The following MND1 variants were observed in gnomAD, a reference collection of about 807,000 sequenced individuals.
The protein encoded by MND1 is meiotic nuclear divisions 1.
In MND1, 28 loss-of-function variants were observed where a neutral mutation model predicts 35.1. The ratio of observed to expected loss-of-function variants is 0.80; its 90% CI spans 0.59 to 1.09. MND1 has a LOEUF of 1.09. Among genes scored for constraint, MND1 ranks in the 50% least tolerant of loss-of-function variants. The pLI is 0.00. For missense variants in MND1, 213 were observed against 239.6 expected (o/e 0.89, Z 0.73); for synonymous variants, 69 against 70.5 (o/e 0.98, Z 0.11).
chr4:153,399,524 G>A (rs1729285975), intron 6 of MND1, among the ~76,000 whole-genome samples: 1 of 152,216 alleles, frequency 6.6e-6, no homozygotes, highest in South Asian at 2.1e-4. Context: ...AATTCATGAA[G>A]TGGGGAAAAC....
Position 153,397,339 on chromosome 4 carries a change from T to C in MND1, c.466+6T>C. 6.3e-7 allele frequency: 1 copy of C among 1,596,744 alleles called. No homozygotes were observed. Among genetic ancestry groups the C allele is most frequent in the Admixed American group, 1.7e-5 (1 of 58,706 alleles). ...GCAAGTTGTGGAAGAAATACGTAAG[T>C]TTGTGTCATACCTTAGGGATCTTTA... On this transcript the variant is annotated splice_donor_region_variant and intron_variant, in intron 6 of 7. Transcript: ENST00000240488.
intron 4 of MND1, among the ~76,000 whole-genome samples, chr4:153,384,975 C>G (rs1728814069): frequency 6.6e-6 from 1 of 152,118 alleles, no homozygotes; most frequent in South Asian, 2.1e-4. Context: ...TACTGTCTTA[C>G]AGCATATAAT....
At chr4:153,361,572 G>A (rs1392166451) in intron 4 of MND1, 1 of 455,784 alleles carries the variant, frequency 2.2e-6, no homozygotes, top group Non-Finnish European at 4.4e-6. Flanking sequence ...GGGCGCAGTG[G>A]CTCACGCCTG....
intron 4 of MND1, among the ~76,000 whole-genome samples, chr4:153,363,861 C>T (rs761855041): frequency 7.9e-5 from 12 of 152,114 alleles, no homozygotes; most frequent in East Asian, 1.9e-4. Context: ...ATCAGCTATG[C>T]GGCTATTGTA....
At chr4:153,364,432 G>A (rs999016097) in intron 4 of MND1, among the ~76,000 whole-genome samples, 1 of 151,958 alleles carries the variant, frequency 6.6e-6, no homozygotes, top group African/African-American at 2.4e-5. Context: ...TGGGAGGATC[G>A]CGTGAGCCTA....
rs1284220121 is a variant in MND1, at chr4:153,414,741, T to G, written c.512-10T>G. On this transcript the variant is annotated splice_polypyrimidine_tract_variant and intron_variant, in intron 7 of 7. Coordinates refer to ENST00000240488, the MANE Select transcript of MND1 (RefSeq NM_032117.4). ...TTTTTCTCAAAATTATTTCTCAATTTTCTTTATAGATAACATATTCGCAAT... is the reference window on the plus strand; with the variant it reads ...TTTTTCTCAAAATTATTTCTCAATTGTCTTTATAGATAACATATTCGCAAT... 2 of 1,221,760 alleles carry G rather than the reference T, an allele frequency of 1.6e-6. No individual in the cohort carries two copies. The highest frequency in any genetic ancestry group is 1.2e-6 in the Non-Finnish European group (1 of 863,798). 75.7% of individuals were successfully genotyped at this position (1,221,760 alleles called of 1,614,324 possible).
intron 7 of MND1, among the ~76,000 whole-genome samples, chr4:153,409,415 G>A (rs988252704): frequency 3.5e-5 from 5 of 143,382 alleles, no homozygotes; most frequent in Non-Finnish European, 7.7e-5. Flanking sequence ...AGGACTATTT[G>A]CCAGTTACTG....
intron 3 of MND1, 88 bp from the exon 4 acceptor site, chr4:153,358,386 T>C (rs764891266): frequency 1.8e-6 from 2 of 1,116,724 alleles, no homozygotes; most frequent in Non-Finnish European, 2.5e-6. Context: ...ATTTGTGATA[T>C]GTTTTGCAAG....
At chr4:153,404,629 C>G (rs757405934) in intron 6 of MND1, among the ~76,000 whole-genome samples, 26 of 151,826 alleles carry the variant, frequency 1.7e-4, no homozygotes, top group Non-Finnish European at 3.5e-4. Context: ...TGCTCACCAC[C>G]ACGCCTGGCT....
intron 4 of MND1, among the ~76,000 whole-genome samples, chr4:153,392,197 G>T (rs1037148733): frequency 6.6e-6 from 1 of 151,814 alleles, no homozygotes; most frequent in Non-Finnish European, 1.5e-5. Context: ...CACCTCCCGG[G>T]TTCATGCCAT....
chr4:153,394,181 C>T lies in MND1; in HGVS notation c.277-81C>T, dbSNP rs991441840. On this transcript the variant is annotated intron_variant, in intron 4 of 7. Transcript: ENST00000240488. ...GCGAGTGCTGGGGCGTGAGCCACTGCACCTGGTGGACTTTGTTTTCATCAA... is the reference window on the plus strand; with the variant it reads ...GCGAGTGCTGGGGCGTGAGCCACTGTACCTGGTGGACTTTGTTTTCATCAA... 41 of 1,305,652 alleles carry T rather than the reference C, an allele frequency of 3.1e-5. No individual in the cohort carries two copies. In the African/African-American group the frequency reaches 3.2e-4, roughly 10 times the overall value. The allele number at this position is 1,305,652 out of a possible 1,614,324, so 80.9% of individuals were successfully genotyped here.
chr4:153,364,031 C>T (rs1773562931), intron 4 of MND1, among the ~76,000 whole-genome samples: 1 of 152,034 alleles, frequency 6.6e-6, no homozygotes, highest in South Asian at 2.1e-4. Context: ...CCCAGGAGTT[C>T]ACGGCCAGCC....
At chr4:153,414,037 A>T (rs1729765201) in intron 7 of MND1, among the ~76,000 whole-genome samples, 1 of 151,502 alleles carries the variant, frequency 6.6e-6, no homozygotes, top group South Asian at 2.1e-4. Flanking sequence ...TACTGGCCTG[A>T]TTGTCTGGAA....
chr4:153,383,813 C>T (rs181365213), intron 4 of MND1, among the ~76,000 whole-genome samples: 75 of 152,216 alleles, frequency 4.9e-4, no homozygotes, highest in African/African-American at 1.5e-3. Flanking sequence ...TTGAAGTAGG[C>T]GGGGAAATAC....
intron 1 of MND1, among the ~76,000 whole-genome samples, chr4:153,345,167 C>A (rs66484458): frequency 0.22 from 33,830 of 152,224 alleles, 3,840 homozygotes; most frequent in South Asian, 0.26. Flanking sequence ...GTGTAGCCCC[C>A]CCCATTAAGA....
At chr4:153,409,819 G>C (rs1729631249) in intron 7 of MND1, among the ~76,000 whole-genome samples, 1 of 151,854 alleles carries the variant, frequency 6.6e-6, no homozygotes, top group South Asian at 2.1e-4. Flanking sequence ...TCTTAAGTAA[G>C]GTAATGCTTT....
chr4:153,401,100 A>C (rs1049620310), intron 6 of MND1, among the ~76,000 whole-genome samples: 1 of 152,216 alleles, frequency 6.6e-6, no homozygotes, highest in East Asian at 1.9e-4. Context: ...AAAATAAAGA[A>C]TTTAAAAAAT....
intron 1 of MND1, chr4:153,345,428 G>A: frequency 2.0e-6 from 2 of 985,552 alleles, no homozygotes; most frequent in Non-Finnish European, 2.4e-6. Flanking sequence ...GCTGCTGGTT[G>A]TGTAGGGCGC....
chr4:153,369,007 A>G (rs542226251), intron 4 of MND1, among the ~76,000 whole-genome samples: 95 of 152,322 alleles, frequency 6.2e-4, no homozygotes, highest in Middle Eastern at 3.4e-3. Context: ...GCCTTATGTG[A>G]GGTATAGTCA....
Sources: allele counts gnomAD v4.1 joint callset (sites outside exome capture counted in the v4.1 genomes callset), GRCh38; gene constraint gnomAD v4.1.1; transcripts MANE v1.5; gene names NCBI Gene and HGNC (gene_info 2026-07-23, HGNC 2026-07-21).